The following POPDC2 variants were observed in gnomAD, a reference collection of about 807,000 sequenced individuals.
POPDC2 encodes popeye domain cAMP effector 2.
In POPDC2, 24 loss-of-function variants were observed where a neutral mutation model predicts 30.5. The ratio of observed to expected loss-of-function variants is 0.79; its 90% CI spans 0.57 to 1.11. The LOEUF (loss-of-function observed/expected upper bound fraction) is 1.11, where lower values mean the gene tolerates loss of function less well. Ranked by LOEUF, POPDC2 falls within the 50% of genes least tolerant of loss-of-function variation. The pLI, the probability that POPDC2 is intolerant of heterozygous loss-of-function variation, is 0.00. For missense variants in POPDC2, 409 were observed against 447.0 expected (o/e 0.91, Z 0.77); for synonymous variants, 185 against 183.3 (o/e 1.01, Z -0.07).
chr3:119,654,211 A>C (rs911627674), intron 2 of POPDC2, among the ~76,000 whole-genome samples: 2 of 152,194 alleles, frequency 1.3e-5, no homozygotes, highest in Non-Finnish European at 2.9e-5. Flanking sequence ...GAGCACTAAA[A>C]GGTTTAAGTT....
At chr3:119,649,334 C>T (rs1188369627) in intron 2 of POPDC2, among the ~76,000 whole-genome samples, 1 of 152,106 alleles carries the variant, frequency 6.6e-6, no homozygotes, top group South Asian at 2.1e-4. Context: ...TCAAAGGGCA[C>T]CCCATTCTCC....
At position 119,642,412 on chromosome 3, in the gene POPDC2, A is replaced by C; in HGVS notation, c.*193T>G. The C allele has an allele frequency of 8.6e-7, 1 of 1,168,742 alleles. No homozygotes were observed. The highest frequency in any genetic ancestry group is 1.3e-6 in the Non-Finnish European group (1 of 780,752). 72.4% of individuals were successfully genotyped at this position (1,168,742 alleles called of 1,614,324 possible). On this transcript the variant is annotated 3_prime_UTR_variant, in exon 4 of 4. Coordinates refer to ENST00000493094, the MANE Select transcript of POPDC2 (RefSeq NM_001369919.2). ...GGGTGGGAAAAGAGGCATGCCTATCAGTGGCCATTCTGTGAACACAGAAGA... is the reference window on the plus strand; with the variant it reads ...GGGTGGGAAAAGAGGCATGCCTATCCGTGGCCATTCTGTGAACACAGAAGA...
rs539169025 is a variant in POPDC2 at position 119,642,444 on chromosome 3, C to T, written c.*161G>A. On this transcript the variant is annotated 3_prime_UTR_variant, in exon 4 of 4. Transcript: ENST00000493094. ...ATTCTGTGAACACAGAAGAGAGCTG[C>T]GCTGGCCACAGAGAAGATAGTCCAA... 7 of 1,481,958 alleles carry T rather than the reference C, an allele frequency of 4.7e-6. No homozygotes were observed. Among genetic ancestry groups the T allele is most frequent in the Admixed American group, 3.4e-5 (2 of 59,488 alleles). The allele number at this position is 1,481,958 out of a possible 1,614,324, so 91.8% of individuals were successfully genotyped here.
chr3:119,642,646 C>CT lies in POPDC2; in HGVS notation c.*44-86dup, dbSNP rs145319889. On this transcript the variant is annotated intron_variant, in intron 3 of 3. Transcript: ENST00000493094. ...TCAAAGGGTTCTTTTCAGTTTTTTT[C>CT]TTTCCTTTACCAATTCCCAATGTTT... is the stretch of plus-strand genomic sequence containing the variant. 1,708 of 900,414 alleles carry CT rather than the reference C, an allele frequency of 1.9e-3. 15 individuals are homozygous for CT. In the African/African-American group the frequency reaches 0.023, roughly 12 times the overall value. 55.8% of individuals were successfully genotyped at this position (900,414 alleles called of 1,614,324 possible).
At chr3:119,642,600 C>T (rs749544907) in intron 3 of POPDC2, 39 bp from the exon 4 acceptor site, 8 of 1,369,570 alleles carry the variant, frequency 5.8e-6, no homozygotes, top group Non-Finnish European at 7.3e-6. Flanking sequence ...AGCACTATGT[C>T]TCTGGACAGT....
At chr3:119,654,454 G>A (rs2688630) in intron 2 of POPDC2, 51 bp downstream of exon 2, 763,816 of 1,229,006 alleles carry the variant, frequency 0.62, 240,499 homozygotes, top group South Asian at 0.73. Context: ...GGATATTGCT[G>A]GGCTACAGTG....
chr3:119,653,019 GGTGAGTGA>G (rs10590436), intron 2 of POPDC2, among the ~76,000 whole-genome samples: 1,530 of 151,652 alleles, frequency 0.01, 103 homozygotes, highest in Admixed American at 0.092. Context: ...TCCTTAAAAG[GGTGAGTGA>G]GTGTGTGTGC....
intron 2 of POPDC2, among the ~76,000 whole-genome samples, chr3:119,649,576 C>G (rs976550480): frequency 6.6e-6 from 1 of 152,050 alleles, no homozygotes; most frequent in Admixed American, 6.6e-5. Context: ...ATCTAATTGA[C>G]CCTAATACTT....
rs2052932005 is a variant in POPDC2, at chr3:119,660,580, A to T, written c.-157T>A. 1 of 803,794 alleles carries T rather than the reference A, an allele frequency of 1.2e-6. No individual in the cohort carries two copies. Among genetic ancestry groups the T allele is most frequent in the African/African-American group, 1.7e-5 (1 of 57,400 alleles). 49.8% of individuals were successfully genotyped at this position (803,794 alleles called of 1,614,324 possible). On this transcript the variant is annotated 5_prime_UTR_variant, in exon 1 of 4. Coordinates refer to ENST00000493094, the MANE Select transcript of POPDC2 (RefSeq NM_001369919.2). ...AAGGAATGCTTCCGGTGGCTTTGGG[A>T]AGGAATGATGGAACATAGTACACTT...
intron 2 of POPDC2, 34 bp from the exon 3 acceptor site, chr3:119,648,702 A>G: frequency 6.4e-7 from 1 of 1,559,746 alleles, no homozygotes; most frequent in Non-Finnish European, 8.7e-7. Context: ...ATAAAAGTTT[A>G]AACTAGAAAA....
At chr3:119,645,138 G>A (rs935760440) in intron 3 of POPDC2, among the ~76,000 whole-genome samples, 1 of 152,220 alleles carries the variant, frequency 6.6e-6, no homozygotes, top group African/African-American at 2.4e-5. Flanking sequence ...TTTAGAAAGT[G>A]AGCCTCATCA....
rs1186973924 is a variant in POPDC2 at position 119,643,229 on chromosome 3, G to C, written c.*44-668C>G. On this transcript the variant is annotated intron_variant, in intron 3 of 3. Transcript: ENST00000493094. The stretch of plus-strand genomic sequence containing the variant: ...AAAAACCTTACAGCTGCTTCTGAGG[G>C]GAAGAGCATGATGACAGTGTGACTC... 6.4e-6 allele frequency: 4 copies of C among 623,820 alleles called. No individual in the cohort carries two copies. In the African/African-American group the frequency reaches 7.3e-5, roughly 11 times the overall value. The allele number at this position is 623,820 out of a possible 1,614,324, so 38.6% of individuals were successfully genotyped here.
intron 1 of POPDC2, among the ~76,000 whole-genome samples, chr3:119,657,899 A>G (rs2052897533): frequency 6.6e-6 from 1 of 152,200 alleles, no homozygotes; most frequent in Non-Finnish European, 1.5e-5. Context: ...TTTGAATTTT[A>G]TATGAGAGAA....
chr3:119,648,218 C>G lies in POPDC2; in HGVS notation c.1051G>C (p.Val351Leu). 6.3e-7 allele frequency: 1 copy of G among 1,593,494 alleles called. No individual in the cohort carries two copies. Among genetic ancestry groups the G allele is most frequent in the Non-Finnish European group, 8.6e-7 (1 of 1,169,314 alleles). The change falls in exon 3 of 4, where the codon GTG becomes CTG. Residue 351 changes from valine (V) to leucine (L), a missense_variant. Coordinates refer to ENST00000493094, the MANE Select transcript of POPDC2 (RefSeq NM_001369919.2). ...TSLVLEDFEE[V>L]SGSESFMDYR... ...TCCATAAACGATTCTGATCCTGACA[C>G]CTCCTCAAAATCCTCCAGCACCAGA...
intron 1 of POPDC2, among the ~76,000 whole-genome samples, chr3:119,655,623 T>A (rs184060191): frequency 6.6e-6 from 1 of 152,364 alleles, no homozygotes; most frequent in Non-Finnish European, 1.5e-5. Context: ...AAGTCTACCA[T>A]ATGCCAGACT....
intron 3 of POPDC2, among the ~76,000 whole-genome samples, chr3:119,646,059 C>T (rs778933308): frequency 2.0e-5 from 3 of 152,146 alleles, no homozygotes; most frequent in Non-Finnish European, 4.4e-5. Flanking sequence ...GTTTGGAAAA[C>T]ATTCCTAAAG....
At chr3:119,654,181 G>T (rs2052850370) in intron 2 of POPDC2, among the ~76,000 whole-genome samples, 1 of 151,878 alleles carries the variant, frequency 6.6e-6, no homozygotes, top group South Asian at 2.1e-4. Flanking sequence ...GAAGGAGGGA[G>T]AGCTGGAAAT....
At chr3:119,645,348 G>C (rs989274055) in intron 3 of POPDC2, among the ~76,000 whole-genome samples, 2 of 152,138 alleles carry the variant, frequency 1.3e-5, no homozygotes, top group African/African-American at 4.8e-5. Flanking sequence ...GGATCACCAC[G>C]TCAGGAGATG....
chr3:119,660,628 TTCTC>T (rs370359165), upstream of POPDC2: 1,502 of 409,924 alleles, frequency 3.7e-3, 16 homozygotes, highest in African/African-American at 0.019. Context: ...AAAAACCTCT[TTCTC>T]TCTCTCTCTC....
Sources: allele counts gnomAD v4.1 joint callset (sites outside exome capture counted in the v4.1 genomes callset), GRCh38; gene constraint gnomAD v4.1.1; transcripts MANE v1.5; gene names NCBI Gene and HGNC (gene_info 2026-07-23, HGNC 2026-07-21).